Variants in LSM3 observed in about 807,000 individuals in gnomAD.
LSM3 encodes U6 snRNA-associated Sm-like protein LSm3.
In LSM3, 14 loss-of-function variants were observed where a neutral mutation model predicts 15.4. That is an observed-to-expected ratio of 0.91 (90% CI 0.60 to 1.42). LSM3 has a LOEUF of 1.42. Ranked by LOEUF, LSM3 falls within the 40% of genes most tolerant of loss-of-function variation. LSM3 has a pLI of 0.00. For synonymous variants in LSM3, 46 were observed against 45.1 expected, an observed-to-expected ratio of 1.02 and a Z score of -0.08; for missense variants, 88 against 127.9, an observed-to-expected ratio of 0.69 and a Z score of 1.50.
rs1696980266 is a variant in LSM3, at chr3:14,179,158, A to G, written c.21+277A>G. ...TACCTCATGGAGCTGTCAGGATTCC[A>G]ATAGAAAGCCAGGTAATAAAGTTAG... On this transcript the variant is annotated intron_variant, in intron 1 of 3. Transcript: ENST00000306024. Among the ~76,000 whole-genome samples, 3 of 152,220 alleles carry G rather than the reference A, an allele frequency of 2.0e-5. No homozygotes were observed. The South Asian group carries it at 6.2e-4, about 32-fold the overall frequency.
intron 3 of LSM3, among the ~76,000 whole-genome samples, chr3:14,197,417 T>C (rs1304913652): frequency 2.0e-5 from 3 of 152,274 alleles, no homozygotes; most frequent in Non-Finnish European, 4.4e-5. Flanking sequence ...TGTGTTTCTT[T>C]ACTGCCCAAG....
chr3:14,182,177 T>G (rs781349650), intron 2 of LSM3, among the ~76,000 whole-genome samples: 17 of 152,142 alleles, frequency 1.1e-4, no homozygotes, highest in Non-Finnish European at 2.1e-4. Flanking sequence ...CTGGGCAACA[T>G]AGAGAGACCC....
chr3:14,198,080 C>A lies in LSM3; in HGVS notation c.273C>A (p.Gly91=), dbSNP rs112724438. The A allele has an allele frequency of 1.2e-6, 2 of 1,613,640 alleles. No homozygotes were observed. Among genetic ancestry groups the A allele is most frequent in the Non-Finnish European group, 1.7e-6 (2 of 1,179,804 alleles). ...CAATGCTCTTTGTCCGGGGAGATGG[C>A]GTTGTCCTGGTTGCCCCTCCACTGA... ...NIPMLFVRGD[G]VVLVAPPLRV... Residue 91 remains glycine, a synonymous_variant, in exon 4 of 4, where the codon GGC becomes GGA. Coordinates refer to ENST00000306024, the MANE Select transcript of LSM3 (RefSeq NM_014463.3).
At position 14,198,354 on chromosome 3, in the gene LSM3, C is replaced by T; in HGVS notation, c.*238C>T. On this transcript the variant is annotated 3_prime_UTR_variant, in exon 4 of 4. Transcript: ENST00000306024. ...TGACCACCAAGATGCAGAACTCTTT[C>T]AGGACTTCTTTTGCTCCATTATTCT... The T allele has an allele frequency of 2.0e-6, 1 of 498,304 alleles. No individual in the cohort carries two copies. The highest frequency in any genetic ancestry group is 3.5e-6 in the Non-Finnish European group (1 of 282,158). 30.9% of individuals were successfully genotyped at this position (498,304 alleles called of 1,614,324 possible). A position where few individuals can be genotyped will look rare whatever the true frequency, so the allele number is the denominator to read the frequency against.
At chr3:14,193,498 C>G (rs1315919076) in intron 3 of LSM3, among the ~76,000 whole-genome samples, 2 of 152,144 alleles carry the variant, frequency 1.3e-5, no homozygotes, top group African/African-American at 2.4e-5. Flanking sequence ...TTTCTCTAAT[C>G]TTGTCTTCTG....
At chr3:14,191,132 C>G (rs1303499811) in intron 3 of LSM3, among the ~76,000 whole-genome samples, 2 of 152,144 alleles carry the variant, frequency 1.3e-5, no homozygotes, top group African/African-American at 2.4e-5. Context: ...AGGGATGAAG[C>G]TGACTTGATC....
chr3:14,195,563 T>G (rs557625041), intron 3 of LSM3, among the ~76,000 whole-genome samples: 1 of 152,364 alleles, frequency 6.6e-6, no homozygotes, highest in East Asian at 1.9e-4. Flanking sequence ...AAAATATTGC[T>G]GTATTTTAAA....
chr3:14,189,275 G>A (rs941622917), intron 3 of LSM3, among the ~76,000 whole-genome samples: 1 of 152,146 alleles, frequency 6.6e-6, no homozygotes, highest in Non-Finnish European at 1.5e-5. Flanking sequence ...ATATGTATGT[G>A]TCTTTATAGT....
Position 14,201,053 on chromosome 3 carries a change from G to A in LSM3, c.*2937G>A, listed in dbSNP as rs1456456334. 6.6e-6 allele frequency: 1 copy of A among 152,266 alleles called. No homozygotes were observed. Among genetic ancestry groups the A allele is most frequent in the Non-Finnish European group, 1.5e-5 (1 of 68,062 alleles). 9.4% of individuals were successfully genotyped at this position (152,266 alleles called of 1,614,324 possible). On this transcript the variant is annotated 3_prime_UTR_variant, in exon 4 of 4. Coordinates refer to ENST00000306024, the MANE Select transcript of LSM3 (RefSeq NM_014463.3). ...TTGTTTGAACAGATGTCAGATGTGA[G>A]TAATGCTCAGCTGTGTTCAATGTAG...
chr3:14,188,184 G>A (rs937189306), intron 3 of LSM3, among the ~76,000 whole-genome samples: 1 of 152,118 alleles, frequency 6.6e-6, no homozygotes, highest in African/African-American at 2.4e-5. Flanking sequence ...TGGCTATTTG[G>A]CACTTCAAAT....
chr3:14,181,229 C>T (rs959478275), intron 1 of LSM3, among the ~76,000 whole-genome samples: 3 of 152,146 alleles, frequency 2.0e-5, no homozygotes, highest in Admixed American at 6.6e-5. Flanking sequence ...GTCCCTGAGA[C>T]CCTATGCCCT....
At chr3:14,186,877 G>C (rs1284384310) in intron 3 of LSM3, among the ~76,000 whole-genome samples, 1 of 152,160 alleles carries the variant, frequency 6.6e-6, no homozygotes, top group Non-Finnish European at 1.5e-5. Context: ...TCCTTTTTCA[G>C]CTCAACTAAG....
intron 3 of LSM3, among the ~76,000 whole-genome samples, chr3:14,185,057 CA>C (rs200964569): frequency 5.7e-4 from 75 of 132,340 alleles, no homozygotes; most frequent in Non-Finnish European, 4.9e-4. Context: ...AACGCTGTCT[CA>C]AAAAAAAAAA....
Position 14,195,788 on chromosome 3 carries a change from G to A in LSM3, c.229-2248G>A, listed in dbSNP as rs374127073. ...AGCTTGGCGCAGTTAAGCCAGGGTG[G>A]CTCCTGCACCCACCTGCTAACTAAG... On this transcript the variant is annotated intron_variant, in intron 3 of 3. Coordinates refer to ENST00000306024, the MANE Select transcript of LSM3 (RefSeq NM_014463.3). 3.8e-4 allele frequency among the ~76,000 whole-genome samples: 58 copies of A among 152,174 alleles called. 1 individual carries two copies. Among genetic ancestry groups the A allele is most frequent in the Middle Eastern group, 6.8e-3 (2 of 294 alleles).
chr3:14,178,982 C>A (rs1383640222), intron 1 of LSM3, 101 bp downstream of exon 1: 2 of 1,294,586 alleles, frequency 1.5e-6, no homozygotes, highest in Admixed American at 3.4e-5. Context: ...CTCTCCAAGT[C>A]ACCATGGCCT....
intron 3 of LSM3, among the ~76,000 whole-genome samples, chr3:14,195,155 C>T (rs951564225): frequency 6.6e-6 from 1 of 152,136 alleles, no homozygotes; most frequent in Non-Finnish European, 1.5e-5. Context: ...GCTCCACCAA[C>T]CCCTAAGTCT....
At chr3:14,184,114 C>T (rs1233222598) in intron 3 of LSM3, 82 bp downstream of exon 3, 2 of 1,465,466 alleles carry the variant, frequency 1.4e-6, no homozygotes, top group Admixed American at 2.5e-5. Flanking sequence ...TATGGGAAGC[C>T]TGTCATGTTT....
chr3:14,197,290 C>A (rs1697195181), intron 3 of LSM3, among the ~76,000 whole-genome samples: 1 of 152,266 alleles, frequency 6.6e-6, no homozygotes, highest in Non-Finnish European at 1.5e-5. Context: ...CATCTACTAA[C>A]ATTTGGCTTT....
chr3:14,195,843 T>C (rs919492865), intron 3 of LSM3, among the ~76,000 whole-genome samples: 10 of 152,218 alleles, frequency 6.6e-5, no homozygotes, highest in South Asian at 2.1e-4. Flanking sequence ...GGAAGAATCC[T>C]TGGAATGCTG....
Sources: allele counts gnomAD v4.1 joint callset (sites outside exome capture counted in the v4.1 genomes callset), GRCh38; gene constraint gnomAD v4.1.1; transcripts MANE v1.5; gene names NCBI Gene and HGNC (gene_info 2026-07-23, HGNC 2026-07-21).